Variants in TPRG1 observed in about 807,000 individuals in gnomAD.
TPRG1 encodes the protein tumor protein p63-regulated gene 1 protein.
In TPRG1, 29 loss-of-function variants were observed where a neutral mutation model predicts 29.3. The ratio of observed to expected loss-of-function variants is 0.99; its 90% CI spans 0.74 to 1.35. The LOEUF is 1.35. TPRG1 is among the 40% of genes most tolerant of loss of function. TPRG1 has a pLI of 0.00. For missense variants in TPRG1, 327 were observed against 335.0 expected (o/e 0.98, Z 0.19); for synonymous variants, 130 against 116.8 (o/e 1.11, Z -0.73).
chr3:189,295,070 T>C (rs559776345), intron 4 of TPRG1, among the ~76,000 whole-genome samples: 1 of 152,370 alleles, frequency 6.6e-6, no homozygotes, highest in South Asian at 2.1e-4. Context: ...TGTGCTTCTA[T>C]GTGGAATAAT....
chr3:189,106,524 C>A (rs1253025240), intron 1 of TPRG1, among the ~76,000 whole-genome samples: 1 of 152,040 alleles, frequency 6.6e-6, no homozygotes, highest in Non-Finnish European at 1.5e-5. Flanking sequence ...TAGTGTCTGT[C>A]TTTTCCATTA....
intron 3 of TPRG1, among the ~76,000 whole-genome samples, chr3:189,022,587 G>A (rs1033874811): frequency 1.1e-4 from 16 of 151,862 alleles, no homozygotes; most frequent in South Asian, 4.2e-4. Flanking sequence ...CAGTCTGCCC[G>A]TTCTCAGATC....
chr3:189,078,057 T>TTCCTTTCTC (rs1717308947), intron 4 of TPRG1, among the ~76,000 whole-genome samples: 3 of 143,572 alleles, frequency 2.1e-5, no homozygotes, highest in African/African-American at 8.5e-5. Context: ...CCTTCCTTCC[T>TTCCTTTCTC]TCCTTTCTCT....
rs1724507446 is a variant in TPRG1, at chr3:189,323,768, G to A, written c.*2948G>A. On this transcript the variant is annotated 3_prime_UTR_variant, in exon 6 of 6. Coordinates refer to ENST00000345063, the MANE Select transcript of TPRG1 (RefSeq NM_198485.4). ...AGTTTGATTGATAATAGGAGTAGAC[G>A]CAAGATACATTAAGTAGAGTACAAA... 2 of 152,070 alleles carry A rather than the reference G, an allele frequency of 1.3e-5. No homozygotes were observed. Among genetic ancestry groups the A allele is most frequent in the East Asian group, 1.9e-4 (1 of 5,186 alleles). The allele number at this position is 152,070 out of a possible 1,614,324, so 9.4% of individuals were successfully genotyped here. A position where few individuals can be genotyped will look rare whatever the true frequency, so the allele number is the denominator to read the frequency against.
intron 4 of TPRG1, among the ~76,000 whole-genome samples, chr3:189,080,737 A>C (rs1717535835): frequency 6.6e-6 from 1 of 152,074 alleles, no homozygotes; most frequent in South Asian, 2.1e-4. Context: ...TATGAGGTAT[A>C]TTGATGCAGT....
At chr3:189,177,790 T>G (rs931610527) in intron 1 of TPRG1, among the ~76,000 whole-genome samples, 4 of 152,284 alleles carry the variant, frequency 2.6e-5, no homozygotes, top group East Asian at 3.9e-4. Context: ...AGAATAATTC[T>G]TTTCATTTAC....
intron 2 of TPRG1, among the ~76,000 whole-genome samples, chr3:189,128,872 C>T (rs867234115): frequency 3.3e-5 from 5 of 152,114 alleles, no homozygotes; most frequent in Middle Eastern, 3.2e-3. Context: ...CGGGTTCAAG[C>T]GATTCTTCTG....
At chr3:189,155,560 T>C (rs531382772) in intron 5 of TPRG1, among the ~76,000 whole-genome samples, 52 of 152,106 alleles carry the variant, frequency 3.4e-4, no homozygotes, top group African/African-American at 1.2e-3. Flanking sequence ...TTCATAGAAG[T>C]CAGGTATGGA....
rs190529780 is a variant in TPRG1, at chr3:189,116,275, T to A, written c.-743-10782T>A. Among the ~76,000 whole-genome samples the A allele has an allele frequency of 1.2e-3, 186 of 152,080 alleles. 1 individual carries two copies. Among genetic ancestry groups the A allele is most frequent in the Middle Eastern group, 3.4e-3 (1 of 294 alleles). ...CTACTGCAACTTCCGCCTCTTGGGT[T>A]CAAGCAATTCTCTGCCTCAGCCTCC... On this transcript the variant is annotated intron_variant, in intron 1 of 6. Coordinates refer to the TPRG1 transcript ENST00000412373.
intron 4 of TPRG1, among the ~76,000 whole-genome samples, chr3:189,092,070 G>A (rs1264354321): frequency 2.6e-5 from 4 of 152,056 alleles, no homozygotes; most frequent in Non-Finnish European, 4.4e-5. Context: ...CTCAGATTTA[G>A]CACTAAAGAA....
intron 4 of TPRG1, among the ~76,000 whole-genome samples, chr3:189,090,631 A>T (rs1034466299): frequency 1.3e-5 from 2 of 151,998 alleles, no homozygotes; most frequent in Non-Finnish European, 2.9e-5. Context: ...CAATTTAAAC[A>T]ATTCTTTGAT....
chr3:189,137,511 G>A (rs544756060), intron 3 of TPRG1, among the ~76,000 whole-genome samples: 1 of 152,298 alleles, frequency 6.6e-6, no homozygotes, highest in South Asian at 2.1e-4. Flanking sequence ...TTTGATGTGA[G>A]CATCCAGGCC....
intron 3 of TPRG1, among the ~76,000 whole-genome samples, chr3:189,224,887 C>T (rs1737472476): frequency 6.6e-6 from 1 of 151,450 alleles, no homozygotes; most frequent in African/African-American, 2.4e-5. Flanking sequence ...GGAACCAGCT[C>T]TTACCCCTTC....
intron 3 of TPRG1, among the ~76,000 whole-genome samples, chr3:189,021,596 G>A (rs1251364517): frequency 1.3e-5 from 2 of 152,190 alleles, no homozygotes. Context: ...TCTGCCGAGA[G>A]ATCTGCTGTT....
At chr3:189,100,774 A>C (rs957869470) in intron 1 of TPRG1, among the ~76,000 whole-genome samples, 6 of 152,188 alleles carry the variant, frequency 3.9e-5, no homozygotes, top group South Asian at 2.1e-4. Context: ...TGACCAGTTC[A>C]GACAGCGGTT....
chr3:189,231,177 T>C (rs1738578301), intron 3 of TPRG1, among the ~76,000 whole-genome samples: 1 of 151,922 alleles, frequency 6.6e-6, no homozygotes, highest in African/African-American at 2.4e-5. Flanking sequence ...TAACTTGCAG[T>C]ATAATAAAAA....
intron 1 of TPRG1, among the ~76,000 whole-genome samples, chr3:189,126,355 A>G (rs1240995565): frequency 6.6e-6 from 1 of 152,196 alleles, no homozygotes; most frequent in Non-Finnish European, 1.5e-5. Flanking sequence ...TTCCTTAGTT[A>G]AGGGAATCTG....
chr3:189,162,918 G>A (rs1333063223), intron 5 of TPRG1, among the ~76,000 whole-genome samples: 2 of 152,166 alleles, frequency 1.3e-5, no homozygotes, highest in Non-Finnish European at 2.9e-5. Flanking sequence ...CACATGATAA[G>A]CACTATATAA....
intron 4 of TPRG1, among the ~76,000 whole-genome samples, chr3:189,063,523 T>A: frequency 1.3e-5 from 2 of 152,240 alleles, no homozygotes; most frequent in South Asian, 4.1e-4. Flanking sequence ...CCATAAAATA[T>A]ACCTCAACAA....
Sources: allele counts gnomAD v4.1 joint callset (sites outside exome capture counted in the v4.1 genomes callset), GRCh38; gene constraint gnomAD v4.1.1; transcripts MANE v1.5; gene names NCBI Gene and HGNC (gene_info 2026-07-23, HGNC 2026-07-21).